The following UMAD1 variants were observed in gnomAD, a reference collection of about 807,000 sequenced individuals.
UMAD1 encodes UBAP1-MVB12-associated (UMA)-domain containing protein 1.
UMAD1 carries 8 observed loss-of-function variants against 6.1 expected under a neutral mutation model. The ratio of observed to expected loss-of-function variants is 1.30; its 90% CI spans 0.76 to 2.35. The LOEUF (loss-of-function observed/expected upper bound fraction) is 2.35. UMAD1 is among the 30% of genes most tolerant of loss of function. The pLI is 0.00. For synonymous variants in UMAD1, 56 were observed against 31.4 expected (o/e 1.78, Z -2.61); for missense variants, 130 against 78.4 (o/e 1.66, Z -2.49).
At chr7:7,839,923 G>C (rs898953820) in intron 3 of UMAD1, among the ~76,000 whole-genome samples, 1 of 152,196 alleles carries the variant, frequency 6.6e-6, no homozygotes, top group African/African-American at 2.4e-5. Flanking sequence ...AGTGCCTGCA[G>C]GTTTGCAGTT....
chr7:7,672,008 TG>T (rs1779617814), intron 1 of UMAD1, among the ~76,000 whole-genome samples: 1 of 152,220 alleles, frequency 6.6e-6, no homozygotes, highest in African/African-American at 2.4e-5. Context: ...TCACTTATGT[TG>T]GGGTTCATAT....
At chr7:7,753,665 G>T (rs1392950774) in intron 2 of UMAD1, among the ~76,000 whole-genome samples, 4 of 152,040 alleles carry the variant, frequency 2.6e-5, no homozygotes, top group African/African-American at 9.7e-5. Flanking sequence ...TTCTCTATCC[G>T]TTCATCTGTT....
intron 1 of UMAD1, among the ~76,000 whole-genome samples, chr7:7,666,957 G>A (rs1373264878): frequency 2.0e-5 from 3 of 152,120 alleles, no homozygotes; most frequent in South Asian, 2.1e-4. Flanking sequence ...GCAGGCGTGC[G>A]CCACCACATC....
intron 3 of UMAD1, among the ~76,000 whole-genome samples, chr7:7,812,225 T>C (rs969048252): frequency 1.3e-5 from 2 of 152,194 alleles, no homozygotes; most frequent in African/African-American, 4.8e-5. Flanking sequence ...AGAGCAACCC[T>C]GTTTCCATCC....
At chr7:7,873,308 A>G (rs1301998538) in intron 3 of UMAD1, among the ~76,000 whole-genome samples, 1 of 152,164 alleles carries the variant, frequency 6.6e-6, no homozygotes, top group African/African-American at 2.4e-5. Flanking sequence ...CCCGGTGCAT[A>G]TGGAATCTTG....
chr7:7,752,430 A>G (rs1563178621), intron 2 of UMAD1, among the ~76,000 whole-genome samples: 1 of 152,244 alleles, frequency 6.6e-6, no homozygotes, highest in East Asian at 1.9e-4. Context: ...TTTATAATTA[A>G]TGAGTATCTT....
chr7:7,724,741 A>T (rs1396466837), intron 2 of UMAD1, among the ~76,000 whole-genome samples: 2 of 152,238 alleles, frequency 1.3e-5, no homozygotes, highest in East Asian at 3.8e-4. Context: ...TTGCTTGAGC[A>T]AATTAATACA....
chr7:7,680,607 T>G (rs1471920388), intron 2 of UMAD1, among the ~76,000 whole-genome samples: 1 of 152,158 alleles, frequency 6.6e-6, no homozygotes, highest in Non-Finnish European at 1.5e-5. Flanking sequence ...GTGATTGCAT[T>G]GAATCTGTAG....
At chr7:7,662,547 G>A (rs1037113470) in intron 1 of UMAD1, among the ~76,000 whole-genome samples, 8 of 152,174 alleles carry the variant, frequency 5.3e-5, no homozygotes, top group Non-Finnish European at 1.0e-4. Flanking sequence ...AGTCCCTCAA[G>A]GCTTCCCTTG....
chr7:7,706,818 C>T (rs981424969), intron 2 of UMAD1, among the ~76,000 whole-genome samples: 1 of 152,098 alleles, frequency 6.6e-6, no homozygotes, highest in African/African-American at 2.4e-5. Context: ...TACATCCTAT[C>T]TGTTGGTTTT....
intron 3 of UMAD1, among the ~76,000 whole-genome samples, chr7:7,851,848 A>G (rs771790952): frequency 6.6e-6 from 1 of 151,990 alleles, no homozygotes; most frequent in Non-Finnish European, 1.5e-5. Context: ...TTACTTTTTG[A>G]TAATGTCCTT....
chr7:7,699,864 A>G (rs982144682), intron 2 of UMAD1, among the ~76,000 whole-genome samples: 1 of 152,222 alleles, frequency 6.6e-6, no homozygotes, highest in Non-Finnish European at 1.5e-5. Flanking sequence ...TCTGGGTTAT[A>G]AGTAATACTG....
At chr7:7,851,481 A>G (rs1783915837) in intron 3 of UMAD1, among the ~76,000 whole-genome samples, 1 of 152,184 alleles carries the variant, frequency 6.6e-6, no homozygotes, top group Non-Finnish European at 1.5e-5. Flanking sequence ...AGCTGCCAGA[A>G]CATTTTCTGA....
intron 2 of UMAD1, among the ~76,000 whole-genome samples, chr7:7,770,613 C>G (rs1782080826): frequency 6.6e-6 from 1 of 151,948 alleles, no homozygotes; most frequent in Non-Finnish European, 1.5e-5. Context: ...GGAGAGGAGA[C>G]AAGTTTGAAA....
chr7:7,877,447 C>T lies in UMAD1; in HGVS notation c.323C>T (p.Pro108Leu). 1.4e-6 allele frequency: 1 copy of T among 717,710 alleles called. No individual in the cohort carries two copies. 44.5% of individuals were successfully genotyped at this position (717,710 alleles called of 1,614,324 possible). The change falls in exon 4 of 4, where the codon CCC becomes CTC. Residue 108 changes from proline to leucine, a missense_variant. Physicochemically the swap from Pro to Leu is moderately conservative, Grantham distance 98. Transcript: ENST00000682710. Reference sequence around the variant, plus strand: ...GTACAGGGCACCATCACTGACCTTCCCGACCACTTACTCTCCTATGATGGC... The same window carrying T: ...GTACAGGGCACCATCACTGACCTTCTCGACCACTTACTCTCCTATGATGGC... ...LAVQGTITDLPDHLLSYDGSE... is the reference protein window; with the variant it reads ...LAVQGTITDLLDHLLSYDGSE...
At chr7:7,767,315 C>T (rs926906935) in intron 2 of UMAD1, among the ~76,000 whole-genome samples, 3 of 151,860 alleles carry the variant, frequency 2.0e-5, no homozygotes, top group Non-Finnish European at 4.4e-5. Flanking sequence ...TTAGTAGAGA[C>T]GGGGTTTCAC....
chr7:7,811,262 T>C (rs996000682), intron 3 of UMAD1, among the ~76,000 whole-genome samples: 3 of 152,216 alleles, frequency 2.0e-5, no homozygotes, highest in African/African-American at 7.2e-5. Flanking sequence ...ATTCTTTGTT[T>C]TTCCTAATAT....
chr7:7,859,221 C>G (rs184507335), intron 3 of UMAD1, among the ~76,000 whole-genome samples: 36 of 152,226 alleles, frequency 2.4e-4, no homozygotes, highest in Non-Finnish European at 4.6e-4. Context: ...CTATTGTGAA[C>G]TCATTAGCCT....
At chr7:7,797,607 C>A (rs764768682) in intron 2 of UMAD1, among the ~76,000 whole-genome samples, 157 of 152,170 alleles carry the variant, frequency 1.0e-3, no homozygotes, top group Non-Finnish European at 1.7e-3. Flanking sequence ...CCTCAACCAT[C>A]CTCACCCAGT....
Sources: allele counts gnomAD v4.1 joint callset (sites outside exome capture counted in the v4.1 genomes callset), GRCh38; gene constraint gnomAD v4.1.1; transcripts MANE v1.5; gene names NCBI Gene and HGNC (gene_info 2026-07-23, HGNC 2026-07-21).